The following GRIA1 variants were observed in gnomAD, a reference collection of about 807,000 sequenced individuals.
GRIA1 encodes the protein glutamate receptor 1.
In GRIA1, 31 loss-of-function variants were observed where a neutral mutation model predicts 99.2. The ratio of observed to expected loss-of-function variants is 0.31; its 90% confidence interval spans 0.23 to 0.42. GRIA1 has a LOEUF of 0.42. Ranked by LOEUF, GRIA1 falls within the 10% of genes least tolerant of loss-of-function variation. The pLI is 1.00. For synonymous variants in GRIA1, 438 were observed against 432.4 expected (o/e 1.01, Z -0.16); for missense variants, 782 against 1,157.5 (o/e 0.68, Z 4.71).
At chr5:153,494,121 G>A in intron 2 of GRIA1, 56 bp downstream of exon 2, 1 of 1,572,032 alleles carries the variant, frequency 6.4e-7, no homozygotes, top group South Asian at 1.1e-5. Flanking sequence ...AATGAAAGGA[G>A]GGCCTGTGGG....
At chr5:153,757,273 T>G (rs565378227) in intron 11 of GRIA1, among the ~76,000 whole-genome samples, 1 of 151,562 alleles carries the variant, frequency 6.6e-6, no homozygotes, top group African/African-American at 2.4e-5. Flanking sequence ...AAGAATGAAA[T>G]AGAACAAAGA....
intron 13 of GRIA1, among the ~76,000 whole-genome samples, chr5:153,772,232 T>C (rs2926847): frequency 0.6 from 90,665 of 151,622 alleles, 27,844 homozygotes; most frequent in East Asian, 0.94. Context: ...ATGAGTGGGG[T>C]ATGGCTGGGA....
At chr5:153,666,579 C>T (rs1254719243) in intron 5 of GRIA1, among the ~76,000 whole-genome samples, 2 of 152,074 alleles carry the variant, frequency 1.3e-5, no homozygotes, top group Non-Finnish European at 2.9e-5. Context: ...AAAACAAGTC[C>T]TAGAGTCTTT....
chr5:153,694,219 A>G (rs13168692), intron 8 of GRIA1, among the ~76,000 whole-genome samples: 14,303 of 152,226 alleles, frequency 0.094, 825 homozygotes, highest in Non-Finnish European at 0.12. Context: ...AAATTAAGGT[A>G]TCTTTCTAAG....
chr5:153,695,667 A>G (rs1205908040), intron 8 of GRIA1, among the ~76,000 whole-genome samples: 1 of 152,212 alleles, frequency 6.6e-6, no homozygotes, highest in Non-Finnish European at 1.5e-5. Context: ...CTGACATTCT[A>G]GAAACGTGAG....
In GRIA1 at chr5:153,676,999, C is replaced by G. The variant is rs768560984; in HGVS notation, c.867C>G (p.Thr289=). 6 of 1,484,190 alleles carry G rather than the reference C, an allele frequency of 4.0e-6. No homozygotes were observed. Among genetic ancestry groups the G allele is most frequent in the Middle Eastern group, 1.8e-4 (1 of 5,546 alleles). 91.9% of individuals were successfully genotyped at this position (1,484,190 alleles called of 1,614,324 possible). Residue 289 remains threonine (T), a synonymous_variant, in exon 7 of 16, where the codon ACC becomes ACG. Transcript: ENST00000285900. ...GTCTCCATTCCTCCCACTAGTACAC[C>G]TCTGCGCTCACCTACGATGGGGTGA... The part of the protein sequence containing the change: ...TRVDWKRPKY[T]SALTYDGVKV...
chr5:153,554,618 C>A (rs1760454555), intron 2 of GRIA1, among the ~76,000 whole-genome samples: 2 of 152,162 alleles, frequency 1.3e-5, no homozygotes, highest in South Asian at 4.1e-4. Flanking sequence ...CTCAGCCTCC[C>A]AAGTAGCTGG....
intron 12 of GRIA1, among the ~76,000 whole-genome samples, chr5:153,765,694 A>C (rs1426372730): frequency 6.6e-6 from 1 of 152,174 alleles, no homozygotes; most frequent in African/African-American, 2.4e-5. Context: ...GAAACAGTAC[A>C]TGGAACTACC....
chr5:153,719,399 G>A (rs1439046651), intron 11 of GRIA1, among the ~76,000 whole-genome samples: 2 of 151,996 alleles, frequency 1.3e-5, no homozygotes. Flanking sequence ...GTCTCTGCTT[G>A]TATCTGGAGC....
intron 13 of GRIA1, among the ~76,000 whole-genome samples, chr5:153,778,242 A>C (rs1252381079): frequency 1.3e-5 from 2 of 150,628 alleles, no homozygotes; most frequent in East Asian, 3.9e-4. Flanking sequence ...TAGAGACTGG[A>C]GGTTTGCAAA....
At chr5:153,736,756 A>G (rs1354826757) in intron 11 of GRIA1, among the ~76,000 whole-genome samples, 1 of 152,196 alleles carries the variant, frequency 6.6e-6, no homozygotes, top group African/African-American at 2.4e-5. Context: ...TAATTTTCCA[A>G]GACTTTTACA....
intron 7 of GRIA1, among the ~76,000 whole-genome samples, chr5:153,681,744 C>T (rs974275768): frequency 1.3e-5 from 2 of 152,138 alleles, no homozygotes; most frequent in African/African-American, 4.8e-5. Flanking sequence ...AAGAAAGCAT[C>T]GTGCTTGTGG....
chr5:153,701,611 A>G (rs541640057), intron 10 of GRIA1, among the ~76,000 whole-genome samples: 43 of 139,210 alleles, frequency 3.1e-4, no homozygotes, highest in African/African-American at 3.9e-4. Flanking sequence ...ACAAAGCGAG[A>G]CCCGTCTCAA....
chr5:153,535,926 G>A (rs958012831), intron 2 of GRIA1, among the ~76,000 whole-genome samples: 17 of 152,168 alleles, frequency 1.1e-4, no homozygotes, highest in Admixed American at 3.9e-4. Flanking sequence ...AGGAAATACC[G>A]ACAGCAGCTC....
At position 153,543,606 on chromosome 5, in the gene GRIA1, A is replaced by G. The variant is rs537813473; in HGVS notation, c.220+49541A>G. 2.2e-4 allele frequency among the ~76,000 whole-genome samples: 34 copies of G among 152,290 alleles called. 1 individual carries two copies. The highest frequency in any genetic ancestry group is 7.5e-4 in the African/African-American group (31 of 41,570). ...AAGGAAAGAAGGAAGAAAGAGAAGG[A>G]GTGAGGGAGGGAGGAATTTACTTGT... On this transcript the variant is annotated intron_variant, in intron 2 of 15. Transcript: ENST00000285900.
chr5:153,686,281 C>A lies in GRIA1; in HGVS notation c.1086C>A (p.Thr362=). ...NVQFNEKGRR[T]NYTLHVIEMK... ...AGTTTAATGAGAAAGGACGCCGGAC[C>A]AACTACACGCTCCACGTGATTGAAA... The change falls in exon 8 of 16, where the codon ACC becomes ACA. Residue 362 remains threonine, a synonymous_variant. Transcript: ENST00000285900. 6.2e-7 allele frequency: 1 copy of A among 1,613,956 alleles called. No individual in the cohort carries two copies. The highest frequency in any genetic ancestry group is 8.5e-7 in the Non-Finnish European group (1 of 1,179,848).
chr5:153,720,735 T>A (rs1759998076), intron 11 of GRIA1, among the ~76,000 whole-genome samples: 1 of 152,128 alleles, frequency 6.6e-6, no homozygotes, highest in Non-Finnish European at 1.5e-5. Context: ...GGTAAGTCAC[T>A]TTTCTTCTCA....
chr5:153,540,743 C>T lies in GRIA1; in HGVS notation c.220+46678C>T, dbSNP rs370060669. Among the ~76,000 whole-genome samples the T allele has an allele frequency of 2.9e-4, 44 of 152,024 alleles. No individual in the cohort carries two copies. The South Asian group carries it at 4.2e-3, about 14-fold the overall frequency. On this transcript the variant is annotated intron_variant, in intron 2 of 15. Coordinates refer to ENST00000285900, the MANE Select transcript of GRIA1 (RefSeq NM_000827.4). Reference sequence around the variant, plus strand: ...TTTAGAGGGAAAGAATAAGGTAAAGCGATAAAGACTAGCAAAGGGGAGGCC... The same window carrying T: ...TTTAGAGGGAAAGAATAAGGTAAAGTGATAAAGACTAGCAAAGGGGAGGCC...
chr5:153,522,439 T>C (rs1757233235), intron 2 of GRIA1, among the ~76,000 whole-genome samples: 3 of 152,242 alleles, frequency 2.0e-5, no homozygotes, highest in Admixed American at 2.0e-4. Context: ...AGAGCTCATA[T>C]TCATAATGAG....
Sources: gnomAD v4.1 joint callset for allele counts (sites outside exome capture counted in the v4.1 genomes callset) on GRCh38, gnomAD v4.1.1 for gene constraint, MANE v1.5 for transcripts, NCBI Gene and HGNC (gene_info 2026-07-23, HGNC 2026-07-21) for gene names.